Variants in PALM2AKAP2 observed in about 807,000 individuals in gnomAD.
PALM2AKAP2 encodes the protein PALM2-AKAP2 fusion protein.
PALM2AKAP2 carries 37 observed loss-of-function variants against 71.5 expected under a neutral mutation model. The observed-to-expected ratio is 0.52, with a 90% CI of 0.40 to 0.68. The LOEUF (loss-of-function observed/expected upper bound fraction) is 0.68. Among genes scored for constraint, PALM2AKAP2 ranks in the 30% least tolerant of loss-of-function variants. The pLI is 0.00. For missense variants in PALM2AKAP2, 1,224 were observed against 1,191.8 expected (o/e 1.03, Z -0.40); for synonymous variants, 468 against 478.8 (o/e 0.98, Z 0.29).
intron 1 of PALM2AKAP2, among the ~76,000 whole-genome samples, chr9:109,721,674 G>A (rs767645748): frequency 6.6e-6 from 1 of 152,024 alleles, no homozygotes; most frequent in African/African-American, 2.4e-5. Context: ...GTTCTTTAAC[G>A]TAATTCCCAT....
chr9:110,044,340 C>CT (rs1291956311), upstream of PALM2AKAP2, among the ~76,000 whole-genome samples: 6 of 121,214 alleles, frequency 4.9e-5, no homozygotes, highest in African/African-American at 1.9e-4. Context: ...CTTTTTCTTT[C>CT]TTTCTTTTTT....
chr9:109,735,969 G>A (rs1039257771), intron 1 of PALM2AKAP2, among the ~76,000 whole-genome samples: 9 of 152,174 alleles, frequency 5.9e-5, no homozygotes, highest in African/African-American at 2.2e-4. Flanking sequence ...AGCCAAGTAG[G>A]CGTTTCTCCC....
Position 109,851,071 on chromosome 9 carries a change from G to A in PALM2AKAP2, c.46-16420G>A, listed in dbSNP as rs954367377. 3.3e-5 allele frequency among the ~76,000 whole-genome samples: 5 copies of A among 152,140 alleles called. No homozygotes were observed. The East Asian group carries it at 9.7e-4, about 29-fold the overall frequency. On this transcript the variant is annotated intron_variant, in intron 1 of 9. Coordinates refer to the PALM2AKAP2 transcript ENST00000302798. ...GGGCACCTGTAGTCCCAGCTGCTTG[G>A]GAGGATGAGGCAGGAGAATGGCATG...
intron 6 of PALM2AKAP2, among the ~76,000 whole-genome samples, chr9:110,006,365 T>TCTTTCTTA (rs1832786093): frequency 6.7e-6 from 1 of 149,112 alleles, no homozygotes; most frequent in Non-Finnish European, 1.5e-5. Context: ...TTTCTTTCTT[T>TCTTTCTTA]CTTTCTTCTC....
intron 7 of PALM2AKAP2, among the ~76,000 whole-genome samples, chr9:110,030,614 T>C (rs774757083): frequency 7.2e-5 from 11 of 152,220 alleles, no homozygotes; most frequent in Non-Finnish European, 1.5e-4. Context: ...CTGTATCATA[T>C]GAATACTGAA....
intron 1 of PALM2AKAP2, among the ~76,000 whole-genome samples, chr9:109,692,531 A>G (rs1213130207): frequency 6.6e-6 from 1 of 152,024 alleles, no homozygotes; most frequent in Non-Finnish European, 1.5e-5. Context: ...CTTAGGAGAA[A>G]GCATTTAGTT....
chr9:110,048,201 G>T (rs561517366), upstream of PALM2AKAP2, among the ~76,000 whole-genome samples: 3 of 152,206 alleles, frequency 2.0e-5, no homozygotes, highest in Non-Finnish European at 4.4e-5. Context: ...CAGTCGTGGT[G>T]CTAGGTAAGG....
At chr9:110,047,435 G>A (rs1833621784), upstream of PALM2AKAP2, among the ~76,000 whole-genome samples, 1 of 152,128 alleles carries the variant, frequency 6.6e-6, no homozygotes, top group African/African-American at 2.4e-5. Flanking sequence ...TCTTTGTATT[G>A]GAAATCAGGG....
chr9:109,994,951 C>A (rs1207653934), intron 6 of PALM2AKAP2, among the ~76,000 whole-genome samples: 1 of 152,202 alleles, frequency 6.6e-6, no homozygotes, highest in Non-Finnish European at 1.5e-5. Context: ...TGCTAGAATT[C>A]ATTTGCCATA....
At chr9:109,906,603 A>G (rs185980430) in intron 3 of PALM2AKAP2, among the ~76,000 whole-genome samples, 1 of 152,340 alleles carries the variant, frequency 6.6e-6, no homozygotes, top group East Asian at 1.9e-4. Context: ...ATTATACTAT[A>G]AAAATCAATA....
At chr9:109,845,282 A>G (rs150107566) in intron 1 of PALM2AKAP2, among the ~76,000 whole-genome samples, 1 of 152,326 alleles carries the variant, frequency 6.6e-6, no homozygotes, top group Non-Finnish European at 1.5e-5. Context: ...GCTAAGAGCT[A>G]TCTCCTGGGC....
chr9:109,870,908 A>G (rs951442640), intron 2 of PALM2AKAP2, among the ~76,000 whole-genome samples: 3 of 152,222 alleles, frequency 2.0e-5, no homozygotes, highest in Admixed American at 1.3e-4. Flanking sequence ...ACTAATTTGC[A>G]AAATCCTAGA....
At chr9:109,707,579 C>G (rs1828163639) in intron 1 of PALM2AKAP2, among the ~76,000 whole-genome samples, 1 of 152,142 alleles carries the variant, frequency 6.6e-6, no homozygotes, top group South Asian at 2.1e-4. Context: ...ACCACATTGA[C>G]TTTTGGCTTG....
In PALM2AKAP2 at chr9:109,824,909, G is replaced by A. The variant is rs567540774; in HGVS notation, c.46-42582G>A. Among the ~76,000 whole-genome samples the A allele has an allele frequency of 8.1e-4, 124 of 152,326 alleles. 1 individual carries two copies. Among genetic ancestry groups the A allele is most frequent in the Middle Eastern group, 3.4e-3 (1 of 294 alleles). On this transcript the variant is annotated intron_variant, in intron 1 of 9. Coordinates refer to the PALM2AKAP2 transcript ENST00000302798. ...ACGATGTCATGTTTAAGTAAGGAAA[G>A]AAGGTTTTGATATTCCTCTAAGAGT...
rs1360720320 is a variant in PALM2AKAP2 at position 110,116,497 on chromosome 9, A to G, written c.157-19630A>G. ...TTTAAGTTAAATGGAACAAAAAAAA[A>G]TGACTATTGCTTAGAATAATGGATA... On this transcript the variant is annotated intron_variant, in intron 1 of 3. Transcript: ENST00000374525. 3.3e-5 allele frequency among the ~76,000 whole-genome samples: 5 copies of G among 152,296 alleles called. No homozygotes were observed. The East Asian group carries it at 5.8e-4, about 18-fold the overall frequency.
At chr9:109,804,380 G>C (rs1827518527) in intron 1 of PALM2AKAP2, among the ~76,000 whole-genome samples, 1 of 152,142 alleles carries the variant, frequency 6.6e-6, no homozygotes, top group African/African-American at 2.4e-5. Flanking sequence ...TGTAATCTCA[G>C]TCTGGGTTTG....
intron 3 of PALM2AKAP2, among the ~76,000 whole-genome samples, chr9:109,887,885 G>A (rs933605944): frequency 7.9e-5 from 12 of 152,276 alleles, no homozygotes; most frequent in Admixed American, 5.9e-4. Flanking sequence ...CGTGCACCTC[G>A]TGATGTAGGA....
intron 1 of PALM2AKAP2, among the ~76,000 whole-genome samples, chr9:109,858,945 A>T (rs1350973855): frequency 6.6e-6 from 1 of 152,208 alleles, no homozygotes; most frequent in Non-Finnish European, 1.5e-5. Flanking sequence ...AGACCTTAAA[A>T]AACAGACTTA....
intron 1 of PALM2AKAP2, among the ~76,000 whole-genome samples, chr9:109,816,278 G>A (rs1312472899): frequency 6.6e-6 from 1 of 152,214 alleles, no homozygotes; most frequent in Non-Finnish European, 1.5e-5. Flanking sequence ...GGACGAGGAG[G>A]CAAGATTGTT....
Sources: gnomAD v4.1 joint callset for allele counts (sites outside exome capture counted in the v4.1 genomes callset) on GRCh38, gnomAD v4.1.1 for gene constraint, MANE v1.5 for transcripts, NCBI Gene and HGNC (gene_info 2026-07-23, HGNC 2026-07-21) for gene names.